Variants in LYRM4 observed in about 807,000 individuals in gnomAD.
LYRM4 encodes the protein LYR motif-containing protein 4.
Under a neutral mutation model 11.7 loss-of-function variants are expected in LYRM4, and 9 were observed. That is an observed-to-expected ratio of 0.77 (90% CI 0.46 to 1.34). The LOEUF is 1.34. Among genes scored for constraint, LYRM4 ranks in the 40% most tolerant of loss-of-function variants. The pLI is 0.00. For missense variants in LYRM4, 133 were observed against 112.5 expected, an observed-to-expected ratio of 1.18 and a Z score of -0.82; for synonymous variants, 42 against 40.4, an observed-to-expected ratio of 1.04 and a Z score of -0.15.
At chr6:5,083,448 C>G in the LYRM4 span, among the ~76,000 whole-genome samples, 10 of 152,290 alleles carry the variant, frequency 6.6e-5, no homozygotes, top group African/African-American at 2.4e-4. Context: ...ATAAAATGAC[C>G]AGCAAGAGTC....
chr6:5,223,637 T>A (rs192737169), intron 1 of LYRM4, among the ~76,000 whole-genome samples: 67 of 152,348 alleles, frequency 4.4e-4, no homozygotes, highest in Middle Eastern at 6.8e-3. Flanking sequence ...GCTTCAAGTG[T>A]TCCTATAAAT....
At chr6:5,177,498 G>C (rs1759789410) in intron 2 of LYRM4, among the ~76,000 whole-genome samples, 1 of 152,200 alleles carries the variant, frequency 6.6e-6, no homozygotes, top group Non-Finnish European at 1.5e-5. Context: ...TCAACACAAT[G>C]ATCATTCAGG....
intron 2 of LYRM4, among the ~76,000 whole-genome samples, chr6:5,155,409 A>G (rs1040951936): frequency 6.6e-6 from 1 of 152,186 alleles, no homozygotes; most frequent in Non-Finnish European, 1.5e-5. Flanking sequence ...ATACTACTAC[A>G]GAAACAGGAC....
At chr6:5,179,684 G>A (rs1759960612) in intron 2 of LYRM4, among the ~76,000 whole-genome samples, 1 of 152,132 alleles carries the variant, frequency 6.6e-6, no homozygotes, top group African/African-American at 2.4e-5. Context: ...ATGGACACTT[G>A]GGTTACACCT....
At chr6:5,255,883 A>G (rs9504365) in intron 1 of LYRM4, among the ~76,000 whole-genome samples, 43,660 of 152,130 alleles carry the variant, frequency 0.29, 7,903 homozygotes, top group African/African-American at 0.51. Flanking sequence ...GATGAGAACT[A>G]CTAACCTAAA....
chr6:5,124,836 T>C lies in LYRM4; in HGVS notation c.208-15345A>G, dbSNP rs141034756. On this transcript the variant is annotated intron_variant, in intron 2 of 2. Transcript: ENST00000330636. ...AGATCTGGGATAAGGCCGCAGACCATGCTCTGGAAAACTGCTCCAGGTATT... is the reference window on the plus strand; with the variant it reads ...AGATCTGGGATAAGGCCGCAGACCACGCTCTGGAAAACTGCTCCAGGTATT... Among the ~76,000 whole-genome samples the C allele has an allele frequency of 5.3e-5, 8 of 152,306 alleles. No individual in the cohort carries two copies. The East Asian group carries it at 7.7e-4, about 15-fold the overall frequency.
At chr6:5,240,666 C>T (rs2773296) in intron 1 of LYRM4, 47,621 of 152,092 alleles carry the variant, frequency 0.31, 7,753 homozygotes, top group African/African-American at 0.41. Context: ...AAACCCGCAG[C>T]AGTAGTATCC....
chr6:5,174,515 G>C (rs1483436717), intron 2 of LYRM4, among the ~76,000 whole-genome samples: 1 of 152,302 alleles, frequency 6.6e-6, no homozygotes, highest in East Asian at 1.9e-4. Context: ...TACTCAGCGC[G>C]TCGCATCCTG....
At chr6:5,238,467 T>C (rs1310439797) in intron 1 of LYRM4, among the ~76,000 whole-genome samples, 2 of 152,254 alleles carry the variant, frequency 1.3e-5, no homozygotes, top group Non-Finnish European at 2.9e-5. Context: ...CATCATTGAT[T>C]ATCTGAATTT....
the LYRM4 span, among the ~76,000 whole-genome samples, chr6:5,067,399 A>G: frequency 6.6e-6 from 1 of 152,230 alleles, no homozygotes; most frequent in Non-Finnish European, 1.5e-5. Context: ...AGCCAGGGCT[A>G]CAGCCATCAG....
intron 2 of LYRM4, among the ~76,000 whole-genome samples, chr6:5,187,659 T>C (rs1760491921): frequency 6.6e-6 from 1 of 152,126 alleles, no homozygotes; most frequent in South Asian, 2.1e-4. Flanking sequence ...ATGTAAATGA[T>C]GAGTTGATGG....
At chr6:5,048,377 G>A in the LYRM4 span, among the ~76,000 whole-genome samples, 4 of 150,378 alleles carry the variant, frequency 2.7e-5, no homozygotes, top group Admixed American at 6.6e-5. Context: ...TTGCAGTGAC[G>A]TGATCATATT....
intron 2 of LYRM4, among the ~76,000 whole-genome samples, chr6:5,166,136 T>C (rs999064216): frequency 1.3e-5 from 2 of 152,252 alleles, no homozygotes; most frequent in African/African-American, 4.8e-5. Context: ...TATGCTGTTC[T>C]GTGTTTGTAT....
At chr6:5,218,084 A>T (rs536968842) in intron 1 of LYRM4, among the ~76,000 whole-genome samples, 7,420 of 151,812 alleles carry the variant, frequency 0.049, 583 homozygotes, top group African/African-American at 0.16. Context: ...ATTAAAAAAA[A>T]TTTTGGGGGA....
chr6:5,062,120 T>G, the LYRM4 span, among the ~76,000 whole-genome samples: 1 of 140,034 alleles, frequency 7.1e-6, no homozygotes, highest in Non-Finnish European at 1.5e-5. Flanking sequence ...GGTCTCGCTC[T>G]GTTGCCCAGG....
At position 5,260,620 on chromosome 6, in the gene LYRM4, C is replaced by T. The variant is rs1351659316; in HGVS notation, c.86+28G>A. 2.6e-6 allele frequency: 4 copies of T among 1,513,072 alleles called. No homozygotes were observed. The South Asian group carries it at 4.8e-5, about 18-fold the overall frequency. 93.7% of individuals were successfully genotyped at this position (1,513,072 alleles called of 1,614,324 possible). On this transcript the variant is annotated intron_variant, in intron 1 of 2. Transcript: ENST00000330636. ...CGGTCCCCGGCCCCTGGCCCCCCGC[C>T]CCCGGCCCCCGGTGCCCGCTGGGTC...
intron 2 of LYRM4, among the ~76,000 whole-genome samples, chr6:5,120,628 T>A (rs1002874784): frequency 6.6e-6 from 1 of 152,210 alleles, no homozygotes; most frequent in Admixed American, 6.5e-5. Context: ...CATGTCCTGC[T>A]GATTGGTCCA....
chr6:5,155,177 G>A (rs536599954), intron 2 of LYRM4, among the ~76,000 whole-genome samples: 13 of 152,266 alleles, frequency 8.5e-5, no homozygotes, highest in Non-Finnish European at 1.3e-4. Flanking sequence ...TGTCTCCCGG[G>A]TTCAAGCAAT....
At chr6:5,052,909 T>A in the LYRM4 span, among the ~76,000 whole-genome samples, 476 of 152,354 alleles carry the variant, frequency 3.1e-3, 2 homozygotes, top group African/African-American at 9.7e-3. Context: ...TCTCATTAAC[T>A]GATTCTTCTT....
Sources: allele counts gnomAD v4.1 joint callset (sites outside exome capture counted in the v4.1 genomes callset), GRCh38; gene constraint gnomAD v4.1.1; transcripts MANE v1.5; gene names NCBI Gene and HGNC (gene_info 2026-07-23, HGNC 2026-07-21).